Variants in STXBP6 observed in about 807,000 individuals in gnomAD.
The protein encoded by STXBP6 is syntaxin binding protein 6, also known as syntaxin-binding protein 6.
A neutral mutation model predicts 26.9 loss-of-function variants in STXBP6; 21 were observed. The ratio of observed to expected loss-of-function variants is 0.78; its 90% confidence interval spans 0.55 to 1.12. STXBP6 has a LOEUF of 1.12. Among genes scored for constraint, STXBP6 ranks in the 50% most tolerant of loss-of-function variants. STXBP6 has a pLI of 0.00. For synonymous variants in STXBP6, 97 were observed against 92.6 expected (o/e 1.05, Z -0.27); for missense variants, 232 against 257.9 (o/e 0.90, Z 0.69).
intron 2 of STXBP6, among the ~76,000 whole-genome samples, chr14:24,888,290 A>G (rs2070662319): frequency 6.6e-6 from 1 of 152,256 alleles, no homozygotes; most frequent in Non-Finnish European, 1.5e-5. Context: ...CCAAACAGGC[A>G]CAAGAAAGCT....
At position 24,812,750 on chromosome 14, in the gene STXBP6, T is replaced by C; in HGVS notation, c.610-18A>G. 6.2e-7 allele frequency: 1 copy of C among 1,613,488 alleles called. No individual in the cohort carries two copies. Among genetic ancestry groups the C allele is most frequent in the Non-Finnish European group, 8.5e-7 (1 of 1,179,518 alleles). On this transcript the variant is annotated intron_variant, in intron 5 of 5. Coordinates refer to ENST00000323944, the MANE Select transcript of STXBP6 (RefSeq NM_001394410.1). ...ATGGCAAGCTAAGGAGAGAGAGGAA[T>C]GAGAAAAGTAAGACTTTATTAGCAG... is the stretch of plus-strand genomic sequence containing the variant.
At chr14:24,884,770 T>C (rs199537885) in intron 2 of STXBP6, among the ~76,000 whole-genome samples, 4 of 151,798 alleles carry the variant, frequency 2.6e-5, no homozygotes, top group Non-Finnish European at 5.9e-5. Context: ...ATTAATAATT[T>C]ATTATTTATG....
chr14:25,048,212 A>C (rs1300658372), intron 1 of STXBP6, among the ~76,000 whole-genome samples: 1 of 152,248 alleles, frequency 6.6e-6, no homozygotes, highest in African/African-American at 2.4e-5. Context: ...AAGAGCACAG[A>C]GACAATATCT....
At chr14:24,917,379 G>A (rs776962760) in intron 2 of STXBP6, among the ~76,000 whole-genome samples, 1 of 152,012 alleles carries the variant, frequency 6.6e-6, no homozygotes, top group Non-Finnish European at 1.5e-5. Context: ...TTGAAGAGAC[G>A]GTGAGAAAAG....
At chr14:24,945,139 A>ATATTTTTTTTTTTTTTTTT (rs2072937548) in intron 2 of STXBP6, among the ~76,000 whole-genome samples, 1 of 100,652 alleles carries the variant, frequency 9.9e-6, no homozygotes, top group African/African-American at 3.6e-5. Flanking sequence ...CCAATTAGGA[A>ATATTTTTTTTTTTTTTTTT]TTTTTTTTTT....
chr14:24,915,306 G>A (rs1480382834), intron 2 of STXBP6, among the ~76,000 whole-genome samples: 3 of 152,236 alleles, frequency 2.0e-5, no homozygotes, highest in Middle Eastern at 3.4e-3. Context: ...AGTTTTTCAA[G>A]AGCCATAGTC....
intron 1 of STXBP6, among the ~76,000 whole-genome samples, chr14:25,045,692 C>CAAGCAAT (rs2075716510): frequency 6.7e-6 from 1 of 150,302 alleles, no homozygotes. Flanking sequence ...CAACCTTCGT[C>CAAGCAAT]TCCCAGATTC....
intron 4 of STXBP6, among the ~76,000 whole-genome samples, chr14:24,831,963 C>T (rs982666530): frequency 1.1e-4 from 16 of 152,126 alleles, no homozygotes; most frequent in Non-Finnish European, 1.9e-4. Flanking sequence ...GCCACGTTTG[C>T]TAAATTAGAG....
intron 2 of STXBP6, among the ~76,000 whole-genome samples, chr14:24,892,832 G>C (rs1449515954): frequency 6.6e-6 from 1 of 152,238 alleles, no homozygotes; most frequent in South Asian, 2.1e-4. Context: ...AGGAGCAGGG[G>C]CTTGGGCAGA....
intron 2 of STXBP6, among the ~76,000 whole-genome samples, chr14:24,869,656 T>G (rs1309200529): frequency 1.3e-5 from 2 of 152,158 alleles, no homozygotes; most frequent in Non-Finnish European, 2.9e-5. Context: ...TTTAAGGAGA[T>G]GAGCCACAAC....
intron 1 of STXBP6, among the ~76,000 whole-genome samples, chr14:25,013,955 G>A (rs1346563116): frequency 6.6e-6 from 1 of 152,104 alleles, no homozygotes; most frequent in African/African-American, 2.4e-5. Context: ...GTGTAATAAT[G>A]GCATTAATAG....
At chr14:24,865,915 A>G (rs2069701278) in intron 2 of STXBP6, among the ~76,000 whole-genome samples, 2 of 152,222 alleles carry the variant, frequency 1.3e-5, no homozygotes, top group African/African-American at 4.8e-5. Context: ...ACTCGAAGGT[A>G]GAGTATGCTA....
intron 1 of STXBP6, among the ~76,000 whole-genome samples, chr14:25,019,000 G>T (rs1423637958): frequency 6.6e-6 from 1 of 152,148 alleles, no homozygotes; most frequent in African/African-American, 2.4e-5. Context: ...AGCCCAAGAA[G>T]CAATACTCGG....
intron 2 of STXBP6, among the ~76,000 whole-genome samples, chr14:24,964,459 T>C (rs539638078): frequency 1.3e-5 from 2 of 152,276 alleles, no homozygotes; most frequent in African/African-American, 2.4e-5. Flanking sequence ...GAGCTGGAAA[T>C]GTCAGTCATT....
At chr14:24,833,859 T>C (rs867330146) in intron 4 of STXBP6, among the ~76,000 whole-genome samples, 14 of 152,220 alleles carry the variant, frequency 9.2e-5, no homozygotes, top group African/African-American at 3.1e-4. Context: ...GTGAAAAAGA[T>C]GACATACAAA....
At chr14:24,898,050 T>G (rs1445389143) in intron 2 of STXBP6, among the ~76,000 whole-genome samples, 1 of 152,216 alleles carries the variant, frequency 6.6e-6, no homozygotes, top group Non-Finnish European at 1.5e-5. Context: ...TACACGAGGT[T>G]TAGCAATCAG....
chr14:24,982,752 T>C (rs1407193198), intron 1 of STXBP6, among the ~76,000 whole-genome samples: 2 of 152,248 alleles, frequency 1.3e-5, no homozygotes, highest in Non-Finnish European at 2.9e-5. Context: ...AGTATACACA[T>C]TCTTCTTGTA....
chr14:25,033,715 A>C (rs2075501939), intron 1 of STXBP6, among the ~76,000 whole-genome samples: 1 of 152,124 alleles, frequency 6.6e-6, no homozygotes, highest in Admixed American at 6.5e-5. Context: ...AAACTCCCTC[A>C]AACATGTACC....
At chr14:24,997,807 A>G (rs954091373) in intron 1 of STXBP6, among the ~76,000 whole-genome samples, 1 of 152,188 alleles carries the variant, frequency 6.6e-6, no homozygotes, top group African/African-American at 2.4e-5. Context: ...GGAAAATTCA[A>G]TGGAACATTA....
Sources: allele counts gnomAD v4.1 joint callset (sites outside exome capture counted in the v4.1 genomes callset), GRCh38; gene constraint gnomAD v4.1.1; transcripts MANE v1.5; gene names NCBI Gene and HGNC (gene_info 2026-07-23, HGNC 2026-07-21).